FKBP9: variants seen among roughly 807,000 people sequenced by gnomAD.
FKBP9 encodes the protein FKBP prolyl isomerase 9.
Under a neutral mutation model 55.6 loss-of-function variants are expected in FKBP9, and 27 were observed. That is an observed-to-expected ratio of 0.49 (90% CI 0.36 to 0.67). FKBP9 has a LOEUF of 0.67. Ranked by LOEUF, FKBP9 falls within the 30% of genes least tolerant of loss-of-function variation. FKBP9 has a pLI of 0.00. For missense variants in FKBP9, 539 were observed against 742.8 expected, an observed-to-expected ratio of 0.73 and a Z score of 3.19; for synonymous variants, 267 against 296.5, an observed-to-expected ratio of 0.90 and a Z score of 1.02.
chr7:32,991,044 T>C (rs1297002508), intron 6 of FKBP9, among the ~76,000 whole-genome samples: 1 of 152,228 alleles, frequency 6.6e-6, no homozygotes, highest in Non-Finnish European at 1.5e-5. Context: ...GATTCTCTAT[T>C]GCTTTTTATC....
At chr7:32,984,122 G>A (rs1224615273) in intron 5 of FKBP9, among the ~76,000 whole-genome samples, 1 of 151,904 alleles carries the variant, frequency 6.6e-6, no homozygotes, top group African/African-American at 2.4e-5. Context: ...TACAAAGTCT[G>A]TCCTCTTCCT....
At chr7:32,973,126 C>T (rs1338904763) in intron 1 of FKBP9, among the ~76,000 whole-genome samples, 1 of 152,132 alleles carries the variant, frequency 6.6e-6, no homozygotes, top group East Asian at 1.9e-4. Flanking sequence ...TTCTGAAACC[C>T]TGTGGGTCTC....
At chr7:33,004,512 G>A (rs1476902022) in intron 9 of FKBP9, among the ~76,000 whole-genome samples, 1 of 152,106 alleles carries the variant, frequency 6.6e-6, no homozygotes, top group Non-Finnish European at 1.5e-5. Flanking sequence ...CAGATAACTT[G>A]TTCGGTCCTT....
Position 32,968,901 on chromosome 7 carries a change from G to A in FKBP9, c.222-5716G>A, listed in dbSNP as rs535322873. Reference sequence around the variant, plus strand: ...TTGAACTCCTGACCTCAGTTGATCCGCCCACCTCAGCCTCCCAAAGTGCTG... The same window carrying A: ...TTGAACTCCTGACCTCAGTTGATCCACCCACCTCAGCCTCCCAAAGTGCTG... On this transcript the variant is annotated intron_variant, in intron 1 of 9. Coordinates refer to ENST00000242209, the MANE Select transcript of FKBP9 (RefSeq NM_007270.5). Among the ~76,000 whole-genome samples the A allele has an allele frequency of 4.8e-4, 72 of 150,986 alleles. No homozygotes were observed. The East Asian group carries it at 0.013, about 27-fold the overall frequency.
chr7:32,973,688 T>TG (rs1177031876), intron 1 of FKBP9, among the ~76,000 whole-genome samples: 3 of 74,482 alleles, frequency 4.0e-5, no homozygotes, highest in African/African-American at 7.0e-5. Flanking sequence ...TGTTGTTTTT[T>TG]TTTTTTTTTT....
chr7:32,995,354 T>A (rs1051640720), intron 6 of FKBP9, among the ~76,000 whole-genome samples: 2 of 152,192 alleles, frequency 1.3e-5, no homozygotes, highest in African/African-American at 2.4e-5. Flanking sequence ...ACATTTAAAC[T>A]TCTCTGAAAT....
intron 1 of FKBP9, among the ~76,000 whole-genome samples, chr7:32,972,283 C>T (rs553835688): frequency 1.8e-4 from 28 of 152,128 alleles, no homozygotes; most frequent in Non-Finnish European, 3.2e-4. Flanking sequence ...GCTTGTTGGC[C>T]TGTACTTGAA....
intron 7 of FKBP9, among the ~76,000 whole-genome samples, chr7:32,999,866 A>G (rs565363198): frequency 2.6e-4 from 40 of 151,942 alleles, no homozygotes; most frequent in African/African-American, 9.7e-4. Context: ...CCATTCCACT[A>G]TGCTTCTCCA....
At chr7:32,985,603 C>G (rs1229503971) in intron 5 of FKBP9, among the ~76,000 whole-genome samples, 1 of 152,154 alleles carries the variant, frequency 6.6e-6, no homozygotes, top group Non-Finnish European at 1.5e-5. Context: ...AAACAGCATT[C>G]TTAATTATTT....
intron 1 of FKBP9, chr7:32,963,645 T>A (rs1327538882): frequency 1.4e-6 from 2 of 1,461,620 alleles, no homozygotes; most frequent in Non-Finnish European, 1.8e-6. Flanking sequence ...CAGAAAGGAG[T>A]GGGAATTTAT....
chr7:32,983,994 CAATT>C (rs1372290765), intron 5 of FKBP9, among the ~76,000 whole-genome samples: 2 of 152,120 alleles, frequency 1.3e-5, no homozygotes, highest in Non-Finnish European at 2.9e-5. Context: ...ACATTTTCCT[CAATT>C]TATTTGTTTG....
intron 1 of FKBP9, among the ~76,000 whole-genome samples, chr7:32,968,106 A>C (rs1188039581): frequency 1.3e-5 from 2 of 152,180 alleles, no homozygotes; most frequent in Non-Finnish European, 2.9e-5. Flanking sequence ...TGGCATGATC[A>C]CAGCTTACTG....
chr7:33,000,683 G>A (rs909422944), intron 8 of FKBP9, among the ~76,000 whole-genome samples: 4 of 151,920 alleles, frequency 2.6e-5, no homozygotes, highest in Admixed American at 6.6e-5. Context: ...GGAGAGATTA[G>A]TTGCAAGTTC....
In FKBP9 at chr7:32,988,600, A is replaced by G. The variant is rs561070504; in HGVS notation, c.987A>G (p.Glu329=). ...GTCTACTTGGTGTTTGCATTGGAGA[A>G]AAGCGAAGGATTGTGGTCCCGCCTC... The part of the protein sequence containing the change: ...DEGLLGVCIG[E]KRRIVVPPHL... The change falls in exon 6 of 10, where the codon GAA becomes GAG. Residue 329 remains glutamate (E), a synonymous_variant. Transcript: ENST00000242209. 27 of 1,613,848 alleles carry G rather than the reference A, an allele frequency of 1.7e-5. No homozygotes were observed. The highest frequency in any genetic ancestry group is 6.6e-5 in the South Asian group (6 of 91,072).
chr7:32,969,753 A>T (rs948438996), intron 1 of FKBP9, among the ~76,000 whole-genome samples: 2 of 152,170 alleles, frequency 1.3e-5, no homozygotes, highest in African/African-American at 2.4e-5. Flanking sequence ...CTGTAATCCC[A>T]GCACTTTGGG....
intron 7 of FKBP9, among the ~76,000 whole-genome samples, chr7:32,997,659 C>T (rs1447846879): frequency 6.6e-6 from 1 of 152,158 alleles, no homozygotes; most frequent in African/African-American, 2.4e-5. Context: ...GAAACCCCAT[C>T]TCTACTAAAA....
chr7:32,989,093 A>G (rs964245503), intron 6 of FKBP9: 2 of 152,812 alleles, frequency 1.3e-5, no homozygotes, highest in Non-Finnish European at 2.9e-5. Context: ...GCCAGTTGTT[A>G]ACATTTTGCT....
At chr7:32,989,795 A>C (rs899596016) in intron 6 of FKBP9, among the ~76,000 whole-genome samples, 2 of 152,096 alleles carry the variant, frequency 1.3e-5, no homozygotes, top group African/African-American at 4.8e-5. Context: ...TAATCCCCAG[A>C]ACCTGTGAGT....
chr7:32,979,298 A>G (rs1784423787), intron 4 of FKBP9, among the ~76,000 whole-genome samples: 1 of 152,212 alleles, frequency 6.6e-6, no homozygotes, highest in African/African-American at 2.4e-5. Context: ...GAAAAATTTA[A>G]ACCCCATGGT....
Sources: allele counts gnomAD v4.1 joint callset (sites outside exome capture counted in the v4.1 genomes callset), GRCh38; gene constraint gnomAD v4.1.1; transcripts MANE v1.5; gene names NCBI Gene and HGNC (gene_info 2026-07-23, HGNC 2026-07-21).